Variants in PXYLP1 observed in about 807,000 individuals in gnomAD.
PXYLP1 encodes the protein acid phosphatase-like 2.
A neutral mutation model predicts 37.9 loss-of-function variants in PXYLP1; 17 were observed. That is an observed-to-expected ratio of 0.45 (90% CI 0.31 to 0.67). PXYLP1 has a LOEUF of 0.67. PXYLP1 is among the 30% of genes least tolerant of loss of function. The pLI is 0.07. For missense variants in PXYLP1, 511 were observed against 612.0 expected (o/e 0.84, Z 1.74); for synonymous variants, 221 against 232.2 (o/e 0.95, Z 0.44).
intron 2 of PXYLP1, among the ~76,000 whole-genome samples, chr3:141,268,206 A>AGTGTGTGT (rs112453738): frequency 1.9e-5 from 1 of 51,304 alleles, no homozygotes; most frequent in Admixed American, 1.9e-4. Context: ...AGAGAGAGAG[A>AGTGTGTGT]GTGTGTGTGT....
At chr3:141,274,586 C>A in intron 2 of PXYLP1, 1 of 945,022 alleles carries the variant, frequency 1.1e-6, no homozygotes, top group Non-Finnish European at 1.6e-6. Flanking sequence ...GATATTTCAT[C>A]AAAAGCATGG....
chr3:141,260,642 G>A (rs116077893), intron 2 of PXYLP1, among the ~76,000 whole-genome samples: 4 of 152,260 alleles, frequency 2.6e-5, no homozygotes, highest in African/African-American at 4.8e-5. Flanking sequence ...GAGTTGTTTC[G>A]GGGAGGGTGG....
chr3:141,288,895 C>CAATG (rs548586683), intron 5 of PXYLP1, among the ~76,000 whole-genome samples: 73 of 152,126 alleles, frequency 4.8e-4, no homozygotes, highest in Middle Eastern at 6.8e-3. Flanking sequence ...GGCCCTGTCT[C>CAATG]AATGAATGAA....
In PXYLP1 at chr3:141,292,229, A is replaced by C. The variant is rs1469961852; in HGVS notation, c.506-39A>C. 1.3e-6 allele frequency: 2 copies of C among 1,537,800 alleles called. No individual in the cohort carries two copies. Among genetic ancestry groups the C allele is most frequent in the African/African-American group, 2.8e-5 (2 of 72,356 alleles). ...CCTCCCCTTGCTGTTTCTTTTGCTC[A>C]GCTGGAAGTAAGGTAAGCTTTGTGT... is the stretch of plus-strand genomic sequence containing the variant. On this transcript the variant is annotated intron_variant, in intron 5 of 5. Coordinates refer to ENST00000286353, the MANE Select transcript of PXYLP1 (RefSeq NM_001037172.3). This position sits in a 1 kb window ranked among gnomAD's most constrained non-coding sequence, Gnocchi z 4.3.
intron 1 of PXYLP1, among the ~76,000 whole-genome samples, chr3:141,256,202 C>T (rs1003809531): frequency 3.3e-5 from 5 of 152,326 alleles, no homozygotes; most frequent in Non-Finnish European, 7.4e-5. Context: ...TAGTACATAT[C>T]TGCTCGACCG....
rs777123953 is a variant in PXYLP1, at chr3:141,267,047, G to A, written c.79+6793G>A. Among the ~76,000 whole-genome samples the A allele has an allele frequency of 4.8e-4, 73 of 152,140 alleles. 1 individual carries two copies. Among genetic ancestry groups the A allele is most frequent in the Admixed American group, 1.8e-3 (28 of 15,270 alleles). ...TTAGCATTTGTGGTTTCGACTCTTT[G>A]CAGGGACCCCTGAGATCTGTAGTAT... On this transcript the variant is annotated intron_variant, in intron 2 of 5. Coordinates refer to ENST00000286353, the MANE Select transcript of PXYLP1 (RefSeq NM_001037172.3).
chr3:141,266,791 T>G (rs1941527295), intron 2 of PXYLP1, among the ~76,000 whole-genome samples: 1 of 152,100 alleles, frequency 6.6e-6, no homozygotes, highest in Non-Finnish European at 1.5e-5. Flanking sequence ...AGCTATCGTG[T>G]TTCCTGTGGC....
At chr3:141,249,978 A>C (rs974662303) in intron 1 of PXYLP1, among the ~76,000 whole-genome samples, 1 of 152,238 alleles carries the variant, frequency 6.6e-6, no homozygotes, top group Non-Finnish European at 1.5e-5. Flanking sequence ...AAAATCTCAA[A>C]GGAGAGAGTG....
At chr3:141,248,512 T>TATATAC (rs1398070744) in intron 1 of PXYLP1, among the ~76,000 whole-genome samples, 1 of 102,120 alleles carries the variant, frequency 9.8e-6, no homozygotes, top group Admixed American at 9.1e-5. Flanking sequence ...TATATATATA[T>TATATAC]ACACACACAC....
At chr3:141,244,053 T>A (rs1243599020) in intron 1 of PXYLP1, among the ~76,000 whole-genome samples, 2 of 152,256 alleles carry the variant, frequency 1.3e-5, no homozygotes, top group Non-Finnish European at 2.9e-5. Context: ...AGTGAGCCAG[T>A]CTTCTGTCTT....
intron 4 of PXYLP1, among the ~76,000 whole-genome samples, chr3:141,283,415 G>A (rs1941999399): frequency 6.6e-6 from 1 of 152,092 alleles, no homozygotes; most frequent in Admixed American, 6.5e-5. Flanking sequence ...AGTGAGGGAT[G>A]GGCCAAAACC....
rs201320297 is a variant in PXYLP1 at position 141,292,576 on chromosome 3, G to C, written c.814G>C (p.Glu272Gln). Residue 272 changes from glutamate (E) to glutamine (Q), a missense_variant, in exon 6 of 6, where the codon GAG becomes CAG. Glu to Gln is a conservative substitution (Grantham distance 29, BLOSUM62 2). Coordinates refer to ENST00000286353, the MANE Select transcript of PXYLP1 (RefSeq NM_001037172.3). The surrounding 1 kb of genome is among the most constrained non-coding windows in gnomAD (Gnocchi z 4.3). ...CCTACGTTTGAAAAACAGCCAGCTG[G>C]AGAAGACCTACGGGGAGATGGCCAA... ...YLLRLKNSQL[E>Q]KTYGEMAKIV... The C allele has an allele frequency of 6.2e-7, 1 of 1,614,096 alleles. No individual in the cohort carries two copies. The highest frequency in any genetic ancestry group is 1.7e-5 in the Admixed American group (1 of 60,022).
intron 1 of PXYLP1, among the ~76,000 whole-genome samples, chr3:141,245,045 C>CTTT (rs10546747): frequency 0.081 from 8,578 of 105,656 alleles, 603 homozygotes; most frequent in East Asian, 0.15. Context: ...CACTAACTCC[C>CTTT]TTTTTTTTTT....
rs569032252 is a variant in PXYLP1, at chr3:141,277,382, G to C, written c.80-960G>C. ...GATGCTGAAAGTATGACTATACTGTGTTGGGAGTTCTAGAGGATCTATGAT... is the reference window on the plus strand; with the variant it reads ...GATGCTGAAAGTATGACTATACTGTCTTGGGAGTTCTAGAGGATCTATGAT... On this transcript the variant is annotated intron_variant, in intron 2 of 5. Transcript: ENST00000286353. 8.5e-5 allele frequency among the ~76,000 whole-genome samples: 13 copies of C among 152,300 alleles called. 1 individual carries two copies. In the South Asian group the frequency reaches 2.5e-3, roughly 29 times the overall value.
At chr3:141,275,939 CAT>C (rs1253746637) in intron 2 of PXYLP1, among the ~76,000 whole-genome samples, 1 of 152,222 alleles carries the variant, frequency 6.6e-6, no homozygotes, top group Non-Finnish European at 1.5e-5. Context: ...CGACAGAACA[CAT>C]ATATGACAGT....
Position 141,278,437 on chromosome 3 carries a change from G to A in PXYLP1, c.175G>A (p.Asp59Asn). The A allele has an allele frequency of 6.2e-7, 1 of 1,614,234 alleles. No homozygotes were observed. The highest frequency in any genetic ancestry group is 8.5e-7 in the Non-Finnish European group (1 of 1,180,042). The change falls in exon 3 of 6, where the codon GAC (aspartate) becomes AAC (asparagine). Residue 59 changes from aspartate (D) to asparagine (N), a missense_variant. By Grantham distance (23) the Asp-to-Asn change is conservative. Transcript: ENST00000286353. Reference sequence around the variant, plus strand: ...CCCTGTGACGGAGCCCCCTGTGACAGACCCCGTTTATGAAGCTCTTTTGTA... The same window carrying A: ...CCCTGTGACGGAGCCCCCTGTGACAAACCCCGTTTATGAAGCTCTTTTGTA... Reference protein sequence around the residue: ...PDPVTEPPVTDPVYEALLYCN... With the variant: ...PDPVTEPPVTNPVYEALLYCN...
chr3:141,248,817 GTA>G lies in PXYLP1; in HGVS notation c.-53-11297_-53-11296del, dbSNP rs1256242968. Among the ~76,000 whole-genome samples, 6 of 104,084 alleles carry G rather than the reference GTA, an allele frequency of 5.8e-5. 2 individuals carry two copies. Among genetic ancestry groups the G allele is most frequent in the African/African-American group, 1.7e-4 (5 of 29,426 alleles). 68.3% of individuals were successfully genotyped at this position (104,084 alleles called of 152,430 possible). A position where few individuals can be genotyped will look rare whatever the true frequency, so the allele number is the denominator to read the frequency against. ...TACACACACGTGTATATATACACACGTATATATATACACACACGTGTATATAT... is the reference window on the plus strand; with the variant it reads ...TACACACACGTGTATATATACACACGTATATATACACACACGTGTATATAT... On this transcript the variant is annotated intron_variant, in intron 1 of 5. Coordinates refer to ENST00000286353, the MANE Select transcript of PXYLP1 (RefSeq NM_001037172.3).
intron 2 of PXYLP1, among the ~76,000 whole-genome samples, chr3:141,263,362 G>A (rs1941436676): frequency 6.6e-6 from 1 of 152,090 alleles, no homozygotes; most frequent in Non-Finnish European, 1.5e-5. Flanking sequence ...ATAAAAATAA[G>A]TCTATGTTTT....
At chr3:141,271,589 C>G (rs1941664955) in intron 2 of PXYLP1, among the ~76,000 whole-genome samples, 1 of 152,172 alleles carries the variant, frequency 6.6e-6, no homozygotes. Context: ...TCATCATGCT[C>G]ACATTTCCCG....
Sources: gnomAD v4.1 joint callset for allele counts (sites outside exome capture counted in the v4.1 genomes callset) on GRCh38, gnomAD v4.1.1 for gene constraint, Gnocchi (gnomAD v3.1) non-coding constraint, MANE v1.5 for transcripts, NCBI Gene and HGNC (gene_info 2026-07-23, HGNC 2026-07-21) for gene names.